HMCN2: variants seen among roughly 807,000 people sequenced by gnomAD.
HMCN2 encodes hemicentin-2.
In HMCN2, 325 loss-of-function variants were observed where a neutral mutation model predicts 377.5. That is an observed-to-expected ratio of 0.86 (90% CI 0.79 to 0.94). HMCN2 has a LOEUF of 0.94. Ranked by LOEUF, HMCN2 falls within the 40% of genes least tolerant of loss-of-function variation. The pLI, the probability that HMCN2 is intolerant of heterozygous loss-of-function variation, is 0.00. For synonymous variants in HMCN2, 2,007 were observed against 2,046.8 expected, an observed-to-expected ratio of 0.98 and a Z score of 0.53; for missense variants, 4,543 against 4,725.3, an observed-to-expected ratio of 0.96 and a Z score of 1.13.
At chr9:130,273,510 A>AT (rs1173186201) in intron 1 of HMCN2, among the ~76,000 whole-genome samples, 1 of 147,082 alleles carries the variant, frequency 6.8e-6, no homozygotes, top group Non-Finnish European at 1.5e-5. Flanking sequence ...TTTTTTTTTT[A>AT]TTTTTGAGAC....
In HMCN2 at chr9:130,301,606, C is replaced by T. The variant is rs555826634; in HGVS notation, c.1277-1251C>T. 4.4e-4 allele frequency among the ~76,000 whole-genome samples: 67 copies of T among 152,340 alleles called. 1 individual carries two copies. The South Asian group carries it at 0.014, about 31-fold the overall frequency. ...GGGTGAGTGGCGACTGCTTTGCACA[C>T]AGCCGAGGACGTGGCTGGATGGTCA... On this transcript the variant is annotated intron_variant, in intron 8 of 97. Transcript: ENST00000683500.
At position 130,395,941 on chromosome 9, in the gene HMCN2, A is replaced by T; in HGVS notation, c.10929A>T (p.Gln3643His). Residue 3643 changes from glutamine to histidine, a missense_variant, in exon 72 of 98, where the codon CAA becomes CAT. By Grantham distance (24) the Gln-to-His change is conservative. Around this residue, in one of 5 missense-constraint regions of HMCN2, gnomAD observed 1,073 missense variants for 1,319.5 expected, o/e 0.81. Transcript: ENST00000683500. ...GIVLQEDAHT[Q>H]FPERGRFLQL... ...CTCTCCAGGAGGACGCCCACACACA[A>T]TTCCCGGAGCGGGGCAGGTTCCTCC... The T allele has an allele frequency of 7.8e-7, 1 of 1,287,360 alleles. No homozygotes were observed. Among genetic ancestry groups the T allele is most frequent in the Middle Eastern group, 3.3e-4 (1 of 3,072 alleles). 79.7% of individuals were successfully genotyped at this position (1,287,360 alleles called of 1,614,324 possible). A position where few individuals can be genotyped will look rare whatever the true frequency, so the allele number is the denominator to read the frequency against.
intron 90 of HMCN2, 102 bp downstream of exon 90, chr9:130,426,026 C>A: frequency 3.4e-6 from 3 of 879,352 alleles, no homozygotes; most frequent in Non-Finnish European, 5.2e-6. Context: ...CTAACATCCA[C>A]TGACCATGGG....
chr9:130,274,929 A>G (rs556646782), intron 1 of HMCN2, among the ~76,000 whole-genome samples: 8 of 152,320 alleles, frequency 5.3e-5, no homozygotes, highest in Non-Finnish European at 7.4e-5. Context: ...TTCACAATAA[A>G]CACACACATA....
chr9:130,329,272 A>G (rs1454589230), intron 22 of HMCN2, among the ~76,000 whole-genome samples: 3 of 152,064 alleles, frequency 2.0e-5, no homozygotes, highest in Non-Finnish European at 4.4e-5. Flanking sequence ...TCTGTCACCT[A>G]ACTCAATGTC....
intron 12 of HMCN2, 27 bp from the exon 13 acceptor site, chr9:130,306,784 C>T (rs765577131): frequency 7.7e-5 from 35 of 452,826 alleles, no homozygotes; most frequent in Non-Finnish European, 1.3e-4. Context: ...TTTTGTGACC[C>T]GATGTGTTTC....
chr9:130,305,878 G>A (rs1476870817), intron 11 of HMCN2, among the ~76,000 whole-genome samples: 1 of 152,202 alleles, frequency 6.6e-6, no homozygotes, highest in Admixed American at 6.5e-5. Flanking sequence ...GACGTTCTAG[G>A]AGCACAGGGC....
chr9:130,352,699 T>A (rs1255177027), intron 30 of HMCN2, among the ~76,000 whole-genome samples: 2 of 152,024 alleles, frequency 1.3e-5, no homozygotes, highest in Non-Finnish European at 2.9e-5. Context: ...AATCCAAGCC[T>A]GTGGCCCCGC....
chr9:130,395,482 T>G, intron 71 of HMCN2, 135 bp downstream of exon 71: 1 of 707,052 alleles, frequency 1.4e-6, no homozygotes, highest in Non-Finnish European at 2.0e-6. Context: ...GTTCCCCGGG[T>G]GTCATACCCC....
At chr9:130,342,064 A>AAATAAAT (rs1839088267) in intron 24 of HMCN2, among the ~76,000 whole-genome samples, 1 of 97,708 alleles carries the variant, frequency 1.0e-5, no homozygotes, top group East Asian at 4.3e-4. Context: ...AATAAATAAA[A>AAATAAAT]GCTTGGAAAG....
chr9:130,277,706 CCAT>C (rs1206738048), intron 1 of HMCN2, among the ~76,000 whole-genome samples: 61 of 150,832 alleles, frequency 4.0e-4, no homozygotes, highest in East Asian at 7.8e-4. Flanking sequence ...ACCACCACCA[CCAT>C]CATCATCACC....
chr9:130,373,848 T>A, intron 48 of HMCN2, among the ~76,000 whole-genome samples: 1 of 124,468 alleles, frequency 8.0e-6, no homozygotes, highest in African/African-American at 3.1e-5. Context: ...TGAATGAGGG[T>A]TGGATGGATG....
chr9:130,366,688 A>G (rs1393751126), intron 43 of HMCN2, among the ~76,000 whole-genome samples: 1 of 152,012 alleles, frequency 6.6e-6, no homozygotes, highest in Non-Finnish European at 1.5e-5. Context: ...TCCTGACCTC[A>G]GGTGATCTGC....
chr9:130,343,759 C>T (rs1179904867), intron 25 of HMCN2, among the ~76,000 whole-genome samples: 1 of 152,256 alleles, frequency 6.6e-6, no homozygotes, highest in African/African-American at 2.4e-5. Flanking sequence ...CCCCACCAGG[C>T]CTGCCGCCTG....
At chr9:130,430,956 T>G (rs1342034780) in intron 95 of HMCN2, 3 of 337,712 alleles carry the variant, frequency 8.9e-6, no homozygotes, top group African/African-American at 2.4e-5. Context: ...TTTTCAGGGG[T>G]GAAGGAGAAT....
chr9:130,371,217 A>T, intron 46 of HMCN2, 86 bp downstream of exon 46: 1 of 776,234 alleles, frequency 1.3e-6, no homozygotes, highest in Non-Finnish European at 1.6e-6. Context: ...ATGACCTCTG[A>T]CTCTGAGCTG....
At chr9:130,313,759 A>G (rs1837396390) in intron 15 of HMCN2, among the ~76,000 whole-genome samples, 1 of 147,230 alleles carries the variant, frequency 6.8e-6, no homozygotes, top group Non-Finnish European at 1.5e-5. Flanking sequence ...TCCTCTCTAA[A>G]TGAATGTGTG....
intron 77 of HMCN2, among the ~76,000 whole-genome samples, chr9:130,401,987 G>A (rs1490186518): frequency 6.6e-6 from 1 of 152,126 alleles, no homozygotes; most frequent in Non-Finnish European, 1.5e-5. Context: ...TGAGGTGGGA[G>A]GATTGCTTGA....
At chr9:130,296,568 G>T in intron 6 of HMCN2, 106 bp from the exon 7 acceptor site, 1 of 407,132 alleles carries the variant, frequency 2.5e-6, no homozygotes. Flanking sequence ...AAAGCAGGAG[G>T]ATTCCAGCTG....
Sources: allele counts gnomAD v4.1 joint callset (sites outside exome capture counted in the v4.1 genomes callset), GRCh38; gene constraint gnomAD v4.1.1; regional missense constraint gnomAD v4.1.1; transcripts MANE v1.5; gene names NCBI Gene and HGNC (gene_info 2026-07-23, HGNC 2026-07-21).